Variants in AKAP13 observed in about 807,000 individuals in gnomAD.
The protein encoded by AKAP13 is A-kinase anchoring protein 13.
A neutral mutation model predicts 264.5 loss-of-function variants in AKAP13; 80 were observed. The observed-to-expected ratio is 0.30, with a 90% CI of 0.25 to 0.36. The LOEUF (loss-of-function observed/expected upper bound fraction) is 0.36. AKAP13 is among the 10% of genes least tolerant of loss of function. AKAP13 has a pLI of 1.00. For missense variants in AKAP13, 3,712 were observed against 3,435.2 expected (o/e 1.08, Z -2.01); for synonymous variants, 1,380 against 1,250.2 (o/e 1.10, Z -2.19).
Position 85,581,797 on chromosome 15 carries a change from G to C in AKAP13, c.3729G>C (p.Lys1243Asn). The C allele has an allele frequency of 6.2e-7, 1 of 1,614,148 alleles. No individual in the cohort carries two copies. The highest frequency in any genetic ancestry group is 8.5e-7 in the Non-Finnish European group (1 of 1,179,988). Residue 1243 changes from lysine to asparagine, a missense_variant, in exon 7 of 37, where the codon AAG (lysine) becomes AAC (asparagine). Physicochemically the swap from Lys to Asn is moderately conservative, Grantham distance 94. Around this residue, in one of 3 missense-constraint regions of AKAP13, gnomAD observed 2,759 missense variants for 2,411.7 expected, o/e 1.14. Coordinates refer to ENST00000394518, the MANE Select transcript of AKAP13 (RefSeq NM_007200.5). ...CTGCCCAGGACGCACCTCTGCCTAAGGGGGCAGACTTGATAGAGGAGGCTG... is the reference window on the plus strand; with the variant it reads ...CTGCCCAGGACGCACCTCTGCCTAACGGGGCAGACTTGATAGAGGAGGCTG... The part of the protein sequence containing the change: ...MVSAQDAPLP[K>N]GADLIEEAAS...
intron 2 of AKAP13, among the ~76,000 whole-genome samples, chr15:85,505,218 C>G (rs1379101832): frequency 6.6e-6 from 1 of 152,224 alleles, no homozygotes; most frequent in Non-Finnish European, 1.5e-5. Context: ...AGAACAATCT[C>G]TAAAACTACT....
intron 1 of AKAP13, among the ~76,000 whole-genome samples, chr15:85,478,066 A>G (rs573975751): frequency 6.6e-6 from 1 of 152,230 alleles, no homozygotes; most frequent in Admixed American, 6.5e-5. Flanking sequence ...TCTTCTAGAG[A>G]GTTTATTGCT....
At chr15:85,442,184 G>A (rs1321702852) in intron 1 of AKAP13, among the ~76,000 whole-genome samples, 4 of 151,492 alleles carry the variant, frequency 2.6e-5, no homozygotes, top group Admixed American at 6.6e-5. Flanking sequence ...GGCTGAGGTG[G>A]GCGGATCACG....
intron 8 of AKAP13, among the ~76,000 whole-genome samples, chr15:85,587,925 G>A (rs2079427676): frequency 6.6e-6 from 1 of 152,194 alleles, no homozygotes; most frequent in Admixed American, 6.5e-5. Context: ...TGGAAGTACA[G>A]GCGTGAGCCT....
chr15:85,459,290 A>T (rs2074411682), intron 1 of AKAP13, among the ~76,000 whole-genome samples: 2 of 150,790 alleles, frequency 1.3e-5, no homozygotes, highest in South Asian at 4.2e-4. Flanking sequence ...GGTTCAAAAG[A>T]TTATCCTGCC....
intron 17 of AKAP13, among the ~76,000 whole-genome samples, chr15:85,699,444 C>CAA (rs34147153): frequency 6.4e-5 from 9 of 141,706 alleles, no homozygotes; most frequent in African/African-American, 1.3e-4. Flanking sequence ...AACTCTATCT[C>CAA]AAAAAAAAAA....
At chr15:85,399,521 AAT>A (rs1567038642) in intron 1 of AKAP13, among the ~76,000 whole-genome samples, 2,056 of 99,756 alleles carry the variant, frequency 0.021, 30 homozygotes, top group Non-Finnish European at 0.032. Context: ...AAAAAAAAAA[AAT>A]AAAAAAATAA....
At chr15:85,677,405 A>G (rs562764079) in intron 14 of AKAP13, among the ~76,000 whole-genome samples, 2 of 152,268 alleles carry the variant, frequency 1.3e-5, no homozygotes, top group East Asian at 1.9e-4. Flanking sequence ...TACTCTTTCT[A>G]ATAATACTGT....
chr15:85,613,895 T>TA (rs1260093639), intron 8 of AKAP13, among the ~76,000 whole-genome samples: 2 of 151,684 alleles, frequency 1.3e-5, no homozygotes, highest in Non-Finnish European at 2.9e-5. Flanking sequence ...ATGATAACTT[T>TA]AAAACAAATG....
At chr15:85,389,821 G>T (rs74586669) in intron 1 of AKAP13, 2 of 152,198 alleles carry the variant, frequency 1.3e-5, no homozygotes, top group Non-Finnish European at 2.9e-5. Context: ...GTCCCCCCGT[G>T]GGGGAGTCTT....
At chr15:85,574,267 T>C (rs2078932905) in intron 5 of AKAP13, among the ~76,000 whole-genome samples, 1 of 152,194 alleles carries the variant, frequency 6.6e-6, no homozygotes, top group African/African-American at 2.4e-5. Context: ...TCCCTGTTTA[T>C]TGTATGCCCC....
chr15:85,631,498 TCTCTCACACACACACACACA>T (rs1455407694), intron 8 of AKAP13, among the ~76,000 whole-genome samples: 7 of 66,534 alleles, frequency 1.1e-4, no homozygotes, highest in African/African-American at 2.9e-4. Flanking sequence ...TCTCTCTCTC[TCTCTCACACACACACACACA>T]CACACACACA....
At position 85,427,251 on chromosome 15, in the gene AKAP13, G is replaced by A. The variant is rs1289590503; in HGVS notation, c.-12+46453G>A. On this transcript the variant is annotated intron_variant, in intron 1 of 36. Coordinates refer to ENST00000394518, the MANE Select transcript of AKAP13 (RefSeq NM_007200.5). The stretch of plus-strand genomic sequence containing the variant: ...ATTACAAGCGTGAGCCACCGCGCCC[G>A]GCCTTAGTATTGTTTTCTGGTTTAT... Among the ~76,000 whole-genome samples, 5 of 152,124 alleles carry A rather than the reference G, an allele frequency of 3.3e-5. No homozygotes were observed. In the East Asian group the frequency reaches 7.7e-4, roughly 23 times the overall value.
intron 5 of AKAP13, among the ~76,000 whole-genome samples, chr15:85,570,289 A>G (rs1050694824): frequency 2.6e-5 from 4 of 151,948 alleles, no homozygotes; most frequent in Non-Finnish European, 5.9e-5. Flanking sequence ...CATCTCTACT[A>G]AAAATAGAAA....
chr15:85,460,459 C>T (rs2074468541), intron 1 of AKAP13, among the ~76,000 whole-genome samples: 1 of 152,182 alleles, frequency 6.6e-6, no homozygotes, highest in Admixed American at 6.5e-5. Flanking sequence ...ACAGAAATAC[C>T]TTCCTTGCTC....
intron 8 of AKAP13, among the ~76,000 whole-genome samples, chr15:85,637,341 G>T (rs988764350): frequency 3.3e-5 from 5 of 152,154 alleles, no homozygotes; most frequent in African/African-American, 1.2e-4. Context: ...AGGCTATTTA[G>T]ATTATCTATG....
chr15:85,664,723 G>A lies in AKAP13; in HGVS notation c.4960G>A (p.Asp1654Asn). The A allele has an allele frequency of 6.2e-7, 1 of 1,613,872 alleles. No individual in the cohort carries two copies. Among genetic ancestry groups the A allele is most frequent in the Non-Finnish European group, 8.5e-7 (1 of 1,179,872 alleles). Residue 1654 changes from aspartate (D) to asparagine (N), a missense_variant, in exon 13 of 37, where the codon GAC (aspartate) becomes AAC (asparagine). This residue lies in a region of AKAP13 where 2,759 missense variants were observed against 2,411.7 expected (regional missense o/e 1.14). Coordinates refer to ENST00000394518, the MANE Select transcript of AKAP13 (RefSeq NM_007200.5). ...VSLSEEDLES[D>N]QREHRMFDQQ... ...ACTTTCAGAAGAGGATCTGGAGTCA[G>A]ACCAGAGAGAACATAGGATGTTTGA... is the stretch of plus-strand genomic sequence containing the variant.
rs373764292 is a variant in AKAP13, at chr15:85,473,541, C to T, written c.-11-12169C>T. ...CCCACAGGAGGCCCCCACTGCAACA[C>T]GCAGTTGGTTCAGTGCTAGATTAGT... On this transcript the variant is annotated intron_variant, in intron 1 of 36. Transcript: ENST00000394518. Among the ~76,000 whole-genome samples, 83 of 152,306 alleles carry T rather than the reference C, an allele frequency of 5.4e-4. 2 individuals are homozygous for T. In the South Asian group the frequency reaches 0.016, roughly 29 times the overall value.
chr15:85,665,223 T>G (rs557922932), intron 13 of AKAP13, among the ~76,000 whole-genome samples: 15 of 152,084 alleles, frequency 9.9e-5, no homozygotes, highest in African/African-American at 3.4e-4. Context: ...AAAGAAAAAA[T>G]AAAGACTACG....
Sources: allele counts gnomAD v4.1 joint callset (sites outside exome capture counted in the v4.1 genomes callset), GRCh38; gene constraint gnomAD v4.1.1; regional missense constraint gnomAD v4.1.1; transcripts MANE v1.5; gene names NCBI Gene and HGNC (gene_info 2026-07-23, HGNC 2026-07-21).